Variants in SERINC5 observed in about 807,000 individuals in gnomAD.
SERINC5 encodes the protein serine incorporator 5.
A neutral mutation model predicts 63.1 loss-of-function variants in SERINC5; 41 were observed. The observed-to-expected ratio is 0.65, with a 90% CI of 0.51 to 0.84. The LOEUF (loss-of-function observed/expected upper bound fraction) is 0.84. Ranked by LOEUF, SERINC5 falls within the 40% of genes least tolerant of loss-of-function variation. SERINC5 has a pLI of 0.00. For synonymous variants in SERINC5, 222 were observed against 215.2 expected (o/e 1.03, Z -0.28); for missense variants, 523 against 573.0 (o/e 0.91, Z 0.89).
chr5:80,134,992 G>A (rs975004812), downstream of SERINC5, among the ~76,000 whole-genome samples: 1 of 152,226 alleles, frequency 6.6e-6, no homozygotes, highest in African/African-American at 2.4e-5. Context: ...GACAAAGACT[G>A]TTCAAAACAA....
intron 2 of SERINC5, among the ~76,000 whole-genome samples, chr5:80,185,010 G>A (rs561078593): frequency 6.6e-6 from 1 of 152,230 alleles, no homozygotes; most frequent in Admixed American, 6.5e-5. Flanking sequence ...CCAAGTAGCT[G>A]GGATTACAGG....
At chr5:80,119,697 C>T (rs1744466716) in intron 11 of SERINC5, among the ~76,000 whole-genome samples, 1 of 152,212 alleles carries the variant, frequency 6.6e-6, no homozygotes, top group Non-Finnish European at 1.5e-5. Context: ...TAATGATTTC[C>T]CCATCCCAGA....
chr5:80,182,139 T>G (rs1355709022), intron 2 of SERINC5, among the ~76,000 whole-genome samples: 2 of 152,168 alleles, frequency 1.3e-5, no homozygotes, highest in African/African-American at 4.8e-5. Flanking sequence ...TAAGAAGAAT[T>G]GGCTCCCTGG....
At chr5:80,157,083 C>G (rs1215242137) in intron 8 of SERINC5, 1 of 150,846 alleles carries the variant, frequency 6.6e-6, no homozygotes, top group Non-Finnish European at 1.5e-5. Context: ...ACCTCCCCCT[C>G]CTGGGTTCAA....
At chr5:80,157,917 G>T (rs1746643243) in intron 8 of SERINC5, 1 of 152,192 alleles carries the variant, frequency 6.6e-6, no homozygotes, top group African/African-American at 2.4e-5. Context: ...AATAGTAGAA[G>T]TTGTTAAAGG....
rs2112319773 is a variant in SERINC5, at chr5:80,150,881, C to A, written c.1053+1G>T. On this transcript the variant is annotated splice_donor_variant, in intron 9 of 11. Transcript: ENST00000507668. LOFTEE classifies it high-confidence loss of function. ...AGGACAGGAAAAGGAAATGAACTTACCTCCAATTCAGGAGCTGCGTATCGC... is the reference window on the plus strand; with the variant it reads ...AGGACAGGAAAAGGAAATGAACTTAACTCCAATTCAGGAGCTGCGTATCGC... The A allele has an allele frequency of 6.2e-7, 1 of 1,606,176 alleles. No individual in the cohort carries two copies. Among genetic ancestry groups the A allele is most frequent in the East Asian group, 2.2e-5 (1 of 44,848 alleles).
chr5:80,236,682 C>T (rs1191330973), intron 1 of SERINC5, among the ~76,000 whole-genome samples: 1 of 151,980 alleles, frequency 6.6e-6, no homozygotes, highest in East Asian at 1.9e-4. Context: ...CACGCCACCA[C>T]GCCCAGCTAA....
In SERINC5 at chr5:80,141,104, C is replaced by A. The variant is rs1392194514; in HGVS notation, c.*2559G>T. 3.0e-6 allele frequency: 3 copies of A among 985,132 alleles called. No homozygotes were observed. The African/African-American group carries it at 5.2e-5, about 17-fold the overall frequency. The allele number at this position is 985,132 out of a possible 1,614,324, so 61.0% of individuals were successfully genotyped here. ...AGTATTGTATATCACAATTAATAAC[C>A]ATTAACATTAACTCTGCATTGATAG... On this transcript the variant is annotated 3_prime_UTR_variant, in exon 12 of 12. Coordinates refer to ENST00000507668, the MANE Select transcript of SERINC5 (RefSeq NM_001174072.3).
intron 1 of SERINC5, among the ~76,000 whole-genome samples, chr5:80,212,665 T>TGGGGGGGGGGG (rs752075084): frequency 2.2e-4 from 11 of 50,190 alleles, no homozygotes; most frequent in African/African-American, 3.9e-4. Context: ...AGTGGTGGGG[T>TGGGGGGGGGGG]GGGGGGGGGG....
intron 1 of SERINC5, among the ~76,000 whole-genome samples, chr5:80,239,048 G>C (rs181981335): frequency 6.6e-6 from 1 of 152,190 alleles, no homozygotes; most frequent in African/African-American, 2.4e-5. Flanking sequence ...TGTGGCCTTG[G>C]AAGATACCCT....
intron 1 of SERINC5, among the ~76,000 whole-genome samples, chr5:80,231,700 T>C (rs539381277): frequency 6.6e-6 from 1 of 152,090 alleles, no homozygotes; most frequent in African/African-American, 2.4e-5. Flanking sequence ...TCTGCCAAGA[T>C]AATTCAACTG....
chr5:80,204,304 A>T (rs1750043043), intron 1 of SERINC5, among the ~76,000 whole-genome samples: 1 of 152,158 alleles, frequency 6.6e-6, no homozygotes. Context: ...GAAATGAGAA[A>T]AGTCTTGTGG....
At chr5:80,192,520 G>C (rs568805074) in intron 2 of SERINC5, among the ~76,000 whole-genome samples, 9 of 152,110 alleles carry the variant, frequency 5.9e-5, no homozygotes, top group African/African-American at 2.2e-4. Context: ...GGAATGGAGA[G>C]AGAATGTGTC....
Position 80,139,347 on chromosome 5 carries a change from A to G in SERINC5, c.*4316T>C, listed in dbSNP as rs76347443. 267 of 984,884 alleles carry G rather than the reference A, an allele frequency of 2.7e-4. 1 individual carries two copies. In the African/African-American group the frequency reaches 4.0e-3, roughly 15 times the overall value. 61.0% of individuals were successfully genotyped at this position (984,884 alleles called of 1,614,324 possible). ...ATCTGCTGTAAGCTTTCTTTACCTG[A>G]GAGAACTTCCCAGGATCCTTTATCC... is the stretch of plus-strand genomic sequence containing the variant. On this transcript the variant is annotated 3_prime_UTR_variant, in exon 12 of 12. Transcript: ENST00000507668.
Position 80,177,335 on chromosome 5 carries a change from T to A in SERINC5, c.437A>T (p.Asp146Val), listed in dbSNP as rs1438059261. Residue 146 changes from aspartate to valine, a missense_variant, in exon 4 of 12, where the codon GAT becomes GTT. Coordinates refer to ENST00000507668, the MANE Select transcript of SERINC5 (RefSeq NM_001174072.3). The part of the protein sequence containing the change: ...AMCSGAFFIP[D>V]QDTFLNAWRY... ...AGTACCGTTCAGAAAGGTGTCCTGATCTGGAATGAAGAAAGCTCCTGAGCA... is the reference window on the plus strand; with the variant it reads ...AGTACCGTTCAGAAAGGTGTCCTGAACTGGAATGAAGAAAGCTCCTGAGCA... The A allele has an allele frequency of 6.2e-7, 1 of 1,613,316 alleles. No individual in the cohort carries two copies. The highest frequency in any genetic ancestry group is 8.5e-7 in the Non-Finnish European group (1 of 1,179,416).
intron 1 of SERINC5, among the ~76,000 whole-genome samples, chr5:80,245,221 T>G (rs1442499333): frequency 6.6e-6 from 1 of 152,212 alleles, no homozygotes; most frequent in Non-Finnish European, 1.5e-5. Flanking sequence ...CTTGAGAAGC[T>G]GAGAAATGAT....
chr5:80,166,721 C>T (rs2112374834), intron 6 of SERINC5: 1 of 357,736 alleles, frequency 2.8e-6, no homozygotes, highest in Non-Finnish European at 5.3e-6. Flanking sequence ...AAGTTATCTA[C>T]CAATACTTTA....
chr5:80,165,087 G>C (rs1382850810), intron 7 of SERINC5, among the ~76,000 whole-genome samples: 2 of 150,706 alleles, frequency 1.3e-5, no homozygotes, highest in Non-Finnish European at 1.5e-5. Flanking sequence ...AAAAAATATT[G>C]TAAATAAAAA....
chr5:80,163,911 T>C (rs1747102151), intron 7 of SERINC5, among the ~76,000 whole-genome samples: 2 of 152,212 alleles, frequency 1.3e-5, no homozygotes, highest in Admixed American at 1.3e-4. Flanking sequence ...AGTTCTCTCC[T>C]CCTCCATTTT....
Sources: allele counts gnomAD v4.1 joint callset (sites outside exome capture counted in the v4.1 genomes callset), GRCh38; gene constraint gnomAD v4.1.1; transcripts MANE v1.5; gene names NCBI Gene and HGNC (gene_info 2026-07-23, HGNC 2026-07-21).